The following LSM3 variants were observed in gnomAD, a reference collection of about 807,000 sequenced individuals.
LSM3 encodes LSM3 homolog, U6 small nuclear RNA and mRNA degradation associated.
LSM3 carries 14 observed loss-of-function variants against 15.4 expected under a neutral mutation model. The ratio of observed to expected loss-of-function variants is 0.91; its 90% CI spans 0.60 to 1.42. The LOEUF is 1.42. Among genes scored for constraint, LSM3 ranks in the 40% most tolerant of loss-of-function variants. The probability of loss-of-function intolerance (pLI) is 0.00; values close to 1 mark genes in which losing one functional copy is unlikely to be tolerated. For missense variants in LSM3, 88 were observed against 127.9 expected, an observed-to-expected ratio of 0.69 and a Z score of 1.50; for synonymous variants, 46 against 45.1, an observed-to-expected ratio of 1.02 and a Z score of -0.08.
intron 3 of LSM3, among the ~76,000 whole-genome samples, chr3:14,194,977 G>A (rs983054185): frequency 5.9e-5 from 9 of 151,988 alleles, no homozygotes; most frequent in Non-Finnish European, 1.3e-4. Flanking sequence ...ATATTAGTTC[G>A]TGTTGGCTAG....
intron 3 of LSM3, among the ~76,000 whole-genome samples, chr3:14,185,122 G>C (rs905980498): frequency 6.7e-6 from 1 of 149,056 alleles, no homozygotes; most frequent in African/African-American, 2.5e-5. Flanking sequence ...AGGCCAAAGC[G>C]GGTGGATCAC....
chr3:14,193,801 C>A (rs936908154), intron 3 of LSM3, among the ~76,000 whole-genome samples: 1 of 152,146 alleles, frequency 6.6e-6, no homozygotes, highest in South Asian at 2.1e-4. Context: ...ACTCATTCTC[C>A]GTCTAGCTTT....
intron 3 of LSM3, among the ~76,000 whole-genome samples, chr3:14,193,861 C>T (rs535288027): frequency 9.2e-5 from 14 of 152,248 alleles, no homozygotes; most frequent in South Asian, 8.3e-4. Flanking sequence ...GAGAGGCGTT[C>T]GTGTTTTTGG....
At chr3:14,181,175 G>A (rs1001418324) in intron 1 of LSM3, among the ~76,000 whole-genome samples, 2 of 152,166 alleles carry the variant, frequency 1.3e-5, no homozygotes, top group African/African-American at 4.8e-5. Context: ...GGCATTAAGT[G>A]AGTGTTTTTC....
Position 14,199,366 on chromosome 3 carries a change from A to G in LSM3, c.*1250A>G, listed in dbSNP as rs533535512. 2.0e-5 allele frequency: 3 copies of G among 152,308 alleles called. No individual in the cohort carries two copies. Among genetic ancestry groups the G allele is most frequent in the African/African-American group, 7.2e-5 (3 of 41,578 alleles). 9.4% of individuals were successfully genotyped at this position (152,308 alleles called of 1,614,324 possible). A position where few individuals can be genotyped will look rare whatever the true frequency, so the allele number is the denominator to read the frequency against. On this transcript the variant is annotated 3_prime_UTR_variant, in exon 4 of 4. Transcript: ENST00000306024. ...GGCTTAGAACCTGACATCCTCCGCTATGGTCATTCCATTTTGAAATGTAGA... is the reference window on the plus strand; with the variant it reads ...GGCTTAGAACCTGACATCCTCCGCTGTGGTCATTCCATTTTGAAATGTAGA...
intron 3 of LSM3, among the ~76,000 whole-genome samples, chr3:14,194,800 T>G (rs1697173458): frequency 8.0e-6 from 1 of 125,576 alleles, no homozygotes; most frequent in South Asian, 2.7e-4. Flanking sequence ...TTTTTTTTTT[T>G]TTAAACCTAG....
At chr3:14,194,564 C>G (rs145487703) in intron 3 of LSM3, among the ~76,000 whole-genome samples, 52 of 152,078 alleles carry the variant, frequency 3.4e-4, no homozygotes, top group Non-Finnish European at 6.2e-4. Context: ...AATGGGCACT[C>G]TAAATGTTTG....
At position 14,198,198 on chromosome 3, in the gene LSM3, C is replaced by A; in HGVS notation, c.*82C>A. The A allele has an allele frequency of 1.0e-6, 1 of 999,452 alleles. No homozygotes were observed. Among genetic ancestry groups the A allele is most frequent in the Non-Finnish European group, 1.6e-6 (1 of 635,256 alleles). The allele number at this position is 999,452 out of a possible 1,614,324, so 61.9% of individuals were successfully genotyped here. A position where few individuals can be genotyped will look rare whatever the true frequency, so the allele number is the denominator to read the frequency against. ...AAGTACAAAACATTCATAAGAGAAA[C>A]CTGCATACATTTTGATATTAAGAAA... On this transcript the variant is annotated 3_prime_UTR_variant, in exon 4 of 4. Transcript: ENST00000306024.
chr3:14,192,355 T>C (rs1697147658), intron 3 of LSM3, among the ~76,000 whole-genome samples: 1 of 152,232 alleles, frequency 6.6e-6, no homozygotes, highest in South Asian at 2.1e-4. Context: ...TCTGTCTCGT[T>C]GATCTGTCTG....
At position 14,192,382 on chromosome 3, in the gene LSM3, G is replaced by A. The variant is rs371427192; in HGVS notation, c.229-5654G>A. On this transcript the variant is annotated intron_variant, in intron 3 of 3. Coordinates refer to ENST00000306024, the MANE Select transcript of LSM3 (RefSeq NM_014463.3). ...ATCTGTCTGATATTGACAGTGGGGT[G>A]TTAAAGTCTCCCGCAATTATTGTGT... is the stretch of plus-strand genomic sequence containing the variant. Among the ~76,000 whole-genome samples, 77 of 152,284 alleles carry A rather than the reference G, an allele frequency of 5.1e-4. 1 individual carries two copies. The South Asian group carries it at 0.015, about 30-fold the overall frequency.
Position 14,178,865 on chromosome 3 carries a change from C to G in LSM3, c.5C>G (p.Ala2Gly), listed in dbSNP as rs754590870. The G allele has an allele frequency of 6.2e-7, 1 of 1,614,190 alleles. No individual in the cohort carries two copies. M[A>G]DDVDQQQTTN... ...AAAGGGCGCAGGGTTTGAAACATGG[C>G]GGACGACGTAGACCAGGTAAGTGTA... Residue 2 changes from alanine (A) to glycine (G), a missense_variant, in exon 1 of 4, where the codon GCG (alanine) becomes GGG (glycine). By Grantham distance (60) the Ala-to-Gly change is moderately conservative. Coordinates refer to ENST00000306024, the MANE Select transcript of LSM3 (RefSeq NM_014463.3).
intron 3 of LSM3, among the ~76,000 whole-genome samples, chr3:14,188,266 A>G (rs909032281): frequency 3.9e-5 from 6 of 152,196 alleles, no homozygotes; most frequent in Non-Finnish European, 7.3e-5. Flanking sequence ...ACCTGTGACT[A>G]GTGGCACTCA....
intron 3 of LSM3, among the ~76,000 whole-genome samples, chr3:14,188,391 T>C (rs1697109992): frequency 1.3e-5 from 2 of 152,334 alleles, no homozygotes; most frequent in South Asian, 4.1e-4. Flanking sequence ...CTTTTCTTAC[T>C]CATTTTAAAT....
intron 3 of LSM3, among the ~76,000 whole-genome samples, chr3:14,194,259 T>C (rs1419473748): frequency 6.6e-6 from 1 of 152,198 alleles, no homozygotes; most frequent in Non-Finnish European, 1.5e-5. Context: ...GGAGGCAGAC[T>C]GACCCTTAGC....
chr3:14,191,995 G>A (rs1212696987), intron 3 of LSM3, among the ~76,000 whole-genome samples: 1 of 151,960 alleles, frequency 6.6e-6, no homozygotes, highest in African/African-American at 2.4e-5. Context: ...CATTCTCATT[G>A]GTTTCAAAGA....
At chr3:14,189,154 A>G (rs999800489) in intron 3 of LSM3, among the ~76,000 whole-genome samples, 20 of 152,314 alleles carry the variant, frequency 1.3e-4, no homozygotes, top group Middle Eastern at 3.4e-3. Context: ...ATAGCTGCAC[A>G]GTATTCCATG....
At chr3:14,196,800 G>GT (rs1256699391) in intron 3 of LSM3, among the ~76,000 whole-genome samples, 6 of 151,984 alleles carry the variant, frequency 3.9e-5, no homozygotes, top group African/African-American at 9.7e-5. Flanking sequence ...ATAGTCAAAG[G>GT]TTTTTTTTGG....
chr3:14,183,156 A>T (rs906188574), intron 2 of LSM3, among the ~76,000 whole-genome samples: 2 of 152,186 alleles, frequency 1.3e-5, no homozygotes, highest in Non-Finnish European at 2.9e-5. Flanking sequence ...CCTCTCAGCT[A>T]TACATGTTTG....
intron 1 of LSM3, 104 bp downstream of exon 1, chr3:14,178,985 C>A (rs1362591263): frequency 3.1e-6 from 4 of 1,276,834 alleles, no homozygotes; most frequent in Non-Finnish European, 4.6e-6. Context: ...TCCAAGTCAC[C>A]ATGGCCTAAT....
Sources: allele counts gnomAD v4.1 joint callset (sites outside exome capture counted in the v4.1 genomes callset), GRCh38; gene constraint gnomAD v4.1.1; transcripts MANE v1.5; gene names NCBI Gene and HGNC (gene_info 2026-07-23, HGNC 2026-07-21).